FAM107B: variants seen among roughly 807,000 people sequenced by gnomAD.
The protein encoded by FAM107B is protein FAM107B.
In FAM107B, 21 loss-of-function variants were observed where a neutral mutation model predicts 31.5. That is an observed-to-expected ratio of 0.67 (90% CI 0.47 to 0.96). FAM107B has a LOEUF of 0.96. Among genes scored for constraint, FAM107B ranks in the 40% least tolerant of loss-of-function variants. The pLI is 0.00. For missense variants in FAM107B, 452 were observed against 377.1 expected, an observed-to-expected ratio of 1.20 and a Z score of -1.64; for synonymous variants, 157 against 141.5, an observed-to-expected ratio of 1.11 and a Z score of -0.78.
chr10:14,689,296 C>T (rs1156952833), intron 1 of FAM107B, among the ~76,000 whole-genome samples: 3 of 149,964 alleles, frequency 2.0e-5, no homozygotes, highest in Non-Finnish European at 4.4e-5. Context: ...GGGAGGATTG[C>T]TTGAACCCAG....
At chr10:14,666,435 G>A (rs1854405266) in intron 2 of FAM107B, among the ~76,000 whole-genome samples, 1 of 152,118 alleles carries the variant, frequency 6.6e-6, no homozygotes, top group Non-Finnish European at 1.5e-5. Flanking sequence ...AACAGCATGA[G>A]GGTAACTGCC....
chr10:14,771,505 G>C (rs974438972), intron 1 of FAM107B, among the ~76,000 whole-genome samples: 1 of 152,032 alleles, frequency 6.6e-6, no homozygotes, highest in African/African-American at 2.4e-5. Context: ...ACAGGGAAAA[G>C]GTAAGTGTTT....
intron 1 of FAM107B, among the ~76,000 whole-genome samples, chr10:14,671,873 A>T (rs1182542637): frequency 1.0e-3 from 18 of 17,696 alleles, no homozygotes; most frequent in Admixed American, 8.4e-3. Context: ...CCTTTTATTT[A>T]AAAAAAAAAA....
chr10:14,672,402 A>G (rs1854582368), intron 1 of FAM107B, among the ~76,000 whole-genome samples: 1 of 152,180 alleles, frequency 6.6e-6, no homozygotes, highest in Non-Finnish European at 1.5e-5. Flanking sequence ...CATGAGTTTT[A>G]CAATGCTTAT....
At chr10:14,554,827 G>A (rs928535737) in intron 2 of FAM107B, among the ~76,000 whole-genome samples, 2 of 152,160 alleles carry the variant, frequency 1.3e-5, no homozygotes, top group Non-Finnish European at 2.9e-5. Flanking sequence ...AGCGATGGGT[G>A]GTCAATGAAG....
At chr10:14,727,215 T>C (rs1337152291) in intron 1 of FAM107B, among the ~76,000 whole-genome samples, 1 of 152,172 alleles carries the variant, frequency 6.6e-6, no homozygotes. Context: ...GCTCACCTCC[T>C]GCTGTGTGAC....
chr10:14,527,180 T>C (rs1846355308), intron 3 of FAM107B, among the ~76,000 whole-genome samples: 1 of 147,782 alleles, frequency 6.8e-6, no homozygotes, highest in African/African-American at 2.5e-5. Context: ...AGTAATCTTT[T>C]AACCAAAAAA....
chr10:14,728,070 G>A (rs932523147), intron 1 of FAM107B, among the ~76,000 whole-genome samples: 10 of 152,178 alleles, frequency 6.6e-5, no homozygotes, highest in African/African-American at 2.4e-4. Context: ...ATGGAGTAAG[G>A]AAGCCTCTTG....
At chr10:14,769,959 C>T (rs1833264093) in intron 1 of FAM107B, among the ~76,000 whole-genome samples, 1 of 152,146 alleles carries the variant, frequency 6.6e-6, no homozygotes, top group South Asian at 2.1e-4. Context: ...AAGTTGGATT[C>T]GCAATTAGAA....
At chr10:14,657,749 T>A (rs764461336) in intron 2 of FAM107B, among the ~76,000 whole-genome samples, 8 of 152,208 alleles carry the variant, frequency 5.3e-5, no homozygotes, top group Non-Finnish European at 1.2e-4. Context: ...AGGGATTGTA[T>A]GACTTTCATG....
At chr10:14,688,769 T>G (rs1253519093) in intron 1 of FAM107B, among the ~76,000 whole-genome samples, 8 of 152,064 alleles carry the variant, frequency 5.3e-5, no homozygotes, top group Admixed American at 5.2e-4. Flanking sequence ...CTGACCACCC[T>G]CTCCGCCCAC....
chr10:14,536,869 T>C (rs1315698607), intron 2 of FAM107B, among the ~76,000 whole-genome samples: 1 of 152,206 alleles, frequency 6.6e-6, no homozygotes, highest in Non-Finnish European at 1.5e-5. Context: ...TGCCAATATG[T>C]TGTTGTACAA....
At chr10:14,633,441 G>C (rs1853418874) in intron 2 of FAM107B, among the ~76,000 whole-genome samples, 1 of 152,172 alleles carries the variant, frequency 6.6e-6, no homozygotes, top group Admixed American at 6.5e-5. Context: ...TAATACTGCA[G>C]AAGGTGTTCC....
intron 3 of FAM107B, chr10:14,529,806 TTAA>T (rs1846742063): frequency 6.6e-6 from 1 of 152,182 alleles, no homozygotes; most frequent in Non-Finnish European, 1.5e-5. Context: ...TCCAAAATAA[TTAA>T]TAATAAAGAC....
intron 1 of FAM107B, among the ~76,000 whole-genome samples, chr10:14,702,118 A>C (rs1035738024): frequency 6.6e-6 from 1 of 152,262 alleles, no homozygotes; most frequent in Non-Finnish European, 1.5e-5. Flanking sequence ...TTTGTTCCAC[A>C]AACGAGTGCA....
chr10:14,716,712 A>G (rs1454764685), intron 1 of FAM107B, among the ~76,000 whole-genome samples: 2 of 152,326 alleles, frequency 1.3e-5, no homozygotes, highest in African/African-American at 4.8e-5. Context: ...CTCCTCAAGC[A>G]CATCATTTAA....
intron 2 of FAM107B, among the ~76,000 whole-genome samples, chr10:14,541,336 TG>T (rs1225382720): frequency 3.5e-4 from 54 of 152,322 alleles, no homozygotes; most frequent in Admixed American, 3.5e-3. Flanking sequence ...TGGCCTTCTG[TG>T]GCCCCCTTCT....
intron 3 of FAM107B, among the ~76,000 whole-genome samples, chr10:14,523,746 A>G (rs537110526): frequency 2.8e-4 from 43 of 152,202 alleles, no homozygotes; most frequent in Non-Finnish European, 5.6e-4. Flanking sequence ...CCTCAATTGC[A>G]TACTTCCTCA....
chr10:14,757,401 G>A (rs182644616), intron 1 of FAM107B, among the ~76,000 whole-genome samples: 24 of 151,110 alleles, frequency 1.6e-4, no homozygotes, highest in Non-Finnish European at 1.9e-4. Context: ...TGGACTTGCC[G>A]GCCCCTATAA....
Sources: allele counts gnomAD v4.1 joint callset (sites outside exome capture counted in the v4.1 genomes callset), GRCh38; gene constraint gnomAD v4.1.1; transcripts MANE v1.5; gene names NCBI Gene and HGNC (gene_info 2026-07-23, HGNC 2026-07-21).